Variants in GALNT2 observed in about 807,000 individuals in gnomAD.
GALNT2 encodes the protein polypeptide N-acetylgalactosaminyltransferase 2.
Under a neutral mutation model 81.4 loss-of-function variants are expected in GALNT2, and 31 were observed. The ratio of observed to expected loss-of-function variants is 0.38; its 90% CI spans 0.29 to 0.51. GALNT2 has a LOEUF of 0.51. Ranked by LOEUF, GALNT2 falls within the 20% of genes least tolerant of loss-of-function variation. GALNT2 has a pLI of 0.87. For missense variants in GALNT2, 629 were observed against 765.7 expected (o/e 0.82, Z 2.11); for synonymous variants, 303 against 287.4 (o/e 1.05, Z -0.55).
chr1:230,123,266 T>C (rs1399927634), intron 1 of GALNT2, among the ~76,000 whole-genome samples: 1 of 152,196 alleles, frequency 6.6e-6, no homozygotes, highest in African/African-American at 2.4e-5. Flanking sequence ...GACGCTTGGC[T>C]CCAAGTGGTT....
intron 3 of GALNT2, among the ~76,000 whole-genome samples, chr1:230,235,512 G>C (rs1466357658): frequency 6.6e-6 from 1 of 152,180 alleles, no homozygotes; most frequent in Non-Finnish European, 1.5e-5. Flanking sequence ...ATGCATCCCT[G>C]CTGTCCCAGG....
At chr1:230,092,182 T>TTTTG (rs1323589468) in intron 1 of GALNT2, 2 of 103,992 alleles carry the variant, frequency 1.9e-5, no homozygotes, top group South Asian at 3.4e-4. Flanking sequence ...TTTAGTTTTT[T>TTTTG]TTTTTTTTTT....
At chr1:230,258,686 C>G (rs897448206) in intron 11 of GALNT2, 6 of 152,196 alleles carry the variant, frequency 3.9e-5, no homozygotes, top group African/African-American at 1.4e-4. Context: ...TATGTTTCTT[C>G]ACAAATGTTG....
chr1:230,104,726 C>G (rs907260543), intron 1 of GALNT2, among the ~76,000 whole-genome samples: 3 of 152,204 alleles, frequency 2.0e-5, no homozygotes, highest in Non-Finnish European at 4.4e-5. Context: ...GAGGGCGATC[C>G]CGTTCCTTCC....
At chr1:230,135,396 C>G (rs1661504736) in intron 1 of GALNT2, among the ~76,000 whole-genome samples, 2 of 148,566 alleles carry the variant, frequency 1.3e-5, no homozygotes, top group Non-Finnish European at 1.5e-5. Context: ...AAACCATTTT[C>G]CAGCTTTCTT....
At chr1:230,077,738 G>A (rs1659607192) in intron 1 of GALNT2, among the ~76,000 whole-genome samples, 1 of 152,158 alleles carries the variant, frequency 6.6e-6, no homozygotes, top group African/African-American at 2.4e-5. Flanking sequence ...CGCTGGTGAT[G>A]TAGCATTTCC....
intron 3 of GALNT2, among the ~76,000 whole-genome samples, chr1:230,222,127 C>T (rs915029169): frequency 3.4e-5 from 5 of 148,884 alleles, no homozygotes; most frequent in African/African-American, 5.0e-5. Flanking sequence ...GCCGGGTTCA[C>T]GCCATTCTCC....
chr1:230,073,535 C>T (rs1181900021), intron 1 of GALNT2, among the ~76,000 whole-genome samples: 1 of 152,106 alleles, frequency 6.6e-6, no homozygotes, highest in African/African-American at 2.4e-5. Flanking sequence ...AGTATGGGCC[C>T]CAGAAGCATG....
Position 230,089,794 on chromosome 1 carries a change from G to A in GALNT2, c.126+22388G>A, listed in dbSNP as rs80104114. The stretch of plus-strand genomic sequence containing the variant: ...GTTCATTCTATGGACATACAACGTT[G>A]TGTTTATACATTACGCTGCTAACAC... On this transcript the variant is annotated intron_variant, in intron 1 of 15. Transcript: ENST00000366672. Among the ~76,000 whole-genome samples, 723 of 152,282 alleles carry A rather than the reference G, an allele frequency of 4.7e-3. 8 individuals are homozygous for A. Among genetic ancestry groups the A allele is most frequent in the African/African-American group, 0.016 (681 of 41,554 alleles).
intron 1 of GALNT2, among the ~76,000 whole-genome samples, chr1:230,075,063 G>C (rs1469513392): frequency 1.4e-5 from 2 of 141,322 alleles, no homozygotes; most frequent in Non-Finnish European, 3.1e-5. Context: ...TTCCTGGAAG[G>C]CATCTTGGAG....
chr1:230,229,096 C>G (rs973993172), intron 3 of GALNT2, among the ~76,000 whole-genome samples: 1 of 152,048 alleles, frequency 6.6e-6, no homozygotes, highest in African/African-American at 2.4e-5. Context: ...CATTGTTACC[C>G]CAGGGTCACA....
intron 1 of GALNT2, among the ~76,000 whole-genome samples, chr1:230,149,282 G>T (rs578127195): frequency 6.6e-6 from 1 of 152,114 alleles, no homozygotes; most frequent in Non-Finnish European, 1.5e-5. Flanking sequence ...TCCTGGAGCG[G>T]GTGGGAGGAC....
chr1:230,146,220 TC>T (rs1316506840), intron 1 of GALNT2, among the ~76,000 whole-genome samples: 1 of 152,166 alleles, frequency 6.6e-6, no homozygotes, highest in Non-Finnish European at 1.5e-5. Flanking sequence ...ATTTTTCCCC[TC>T]CCTTTTCATG....
intron 1 of GALNT2, among the ~76,000 whole-genome samples, chr1:230,072,750 G>A (rs1358768): frequency 0.27 from 40,731 of 152,084 alleles, 9,963 homozygotes; most frequent in African/African-American, 0.65. Flanking sequence ...AGTGCCCTCC[G>A]GTTCCTAGCT....
upstream of GALNT2, among the ~76,000 whole-genome samples, chr1:230,066,723 A>C (rs879582504): frequency 2.0e-5 from 3 of 152,220 alleles, no homozygotes; most frequent in Non-Finnish European, 4.4e-5. Context: ...AAGGCTGAAG[A>C]GGTGACAGTC....
At chr1:230,075,996 C>T (rs1314864184) in intron 1 of GALNT2, among the ~76,000 whole-genome samples, 7 of 152,080 alleles carry the variant, frequency 4.6e-5, no homozygotes, top group East Asian at 1.9e-4. Context: ...TTTTCTTTCC[C>T]GAAGGATGTT....
At chr1:230,071,661 A>G (rs1173391829) in intron 1 of GALNT2, among the ~76,000 whole-genome samples, 2 of 152,140 alleles carry the variant, frequency 1.3e-5, no homozygotes, top group Non-Finnish European at 2.9e-5. Context: ...GGGAACACCC[A>G]TACCACTCCT....
chr1:230,234,478 G>A (rs79912008), intron 3 of GALNT2, among the ~76,000 whole-genome samples: 1,862 of 152,244 alleles, frequency 0.012, 35 homozygotes, highest in African/African-American at 0.043. Flanking sequence ...CAGGAACATT[G>A]TGCAGATAAT....
chr1:230,145,409 G>A (rs4846835), intron 1 of GALNT2, among the ~76,000 whole-genome samples: 25,309 of 152,156 alleles, frequency 0.17, 2,316 homozygotes, highest in Admixed American at 0.22. Flanking sequence ...CTTCCCCCAA[G>A]GGAAGCTCCC....
Sources: gnomAD v4.1 joint callset for allele counts (sites outside exome capture counted in the v4.1 genomes callset) on GRCh38, gnomAD v4.1.1 for gene constraint, MANE v1.5 for transcripts, NCBI Gene and HGNC (gene_info 2026-07-23, HGNC 2026-07-21) for gene names.